The following CEP131 variants were observed in gnomAD, a reference collection of about 807,000 sequenced individuals.
CEP131 encodes centrosomal protein 131.
CEP131 carries 99 observed loss-of-function variants against 136.8 expected under a neutral mutation model. The ratio of observed to expected loss-of-function variants is 0.72; its 90% CI spans 0.62 to 0.86. The LOEUF (loss-of-function observed/expected upper bound fraction) is 0.86, where lower values mean the gene tolerates loss of function less well. Among genes scored for constraint, CEP131 ranks in the 40% least tolerant of loss-of-function variants. The probability of loss-of-function intolerance (pLI) is 0.00; values close to 1 mark genes in which losing one functional copy is unlikely to be tolerated. For synonymous variants in CEP131, 646 were observed against 612.7 expected (o/e 1.05, Z -0.80); for missense variants, 1,459 against 1,463.0 (o/e 1.00, Z 0.04).
In CEP131 at chr17:81,208,678, G is replaced by A. The variant is rs901908088; in HGVS notation, c.272+250C>T. Among the ~76,000 whole-genome samples the A allele has an allele frequency of 2.6e-5, 4 of 152,226 alleles. No homozygotes were observed. The East Asian group carries it at 5.8e-4, about 22-fold the overall frequency. On this transcript the variant is annotated intron_variant, in intron 3 of 25. Transcript: ENST00000450824. The surrounding 1 kb of genome is among the most constrained non-coding windows in gnomAD (Gnocchi z 5.6). Reference sequence around the variant, plus strand: ...CTCAGGCAGGGTCCCAGCAGCCGCCGGGACAGCAAGGAGGAAGGGAGGGAT... The same window carrying A: ...CTCAGGCAGGGTCCCAGCAGCCGCCAGGACAGCAAGGAGGAAGGGAGGGAT...
At chr17:81,216,456 G>A (rs569980990) in intron 2 of CEP131, among the ~76,000 whole-genome samples, 4 of 152,192 alleles carry the variant, frequency 2.6e-5, no homozygotes, top group East Asian at 1.9e-4. Flanking sequence ...ACTTGTGTCC[G>A]GGAGGTGGAG....
At chr17:81,218,886 C>T (rs1484110295) in intron 2 of CEP131, among the ~76,000 whole-genome samples, 1 of 152,240 alleles carries the variant, frequency 6.6e-6, no homozygotes, top group African/African-American at 2.4e-5. Flanking sequence ...CCCTCCAGAC[C>T]CCTTCTCTCT....
intron 2 of CEP131, among the ~76,000 whole-genome samples, chr17:81,217,775 C>G (rs992708371): frequency 4.6e-5 from 7 of 152,120 alleles, no homozygotes; most frequent in African/African-American, 1.7e-4. Flanking sequence ...GGCAATGGTA[C>G]CAGCCGAGGA....
Position 81,203,750 on chromosome 17 carries a change from C to A in CEP131, c.516-143G>T. 1.6e-6 allele frequency: 1 copy of A among 640,418 alleles called. No homozygotes were observed. The highest frequency in any genetic ancestry group is 2.7e-6 in the Non-Finnish European group (1 of 369,820). 39.7% of individuals were successfully genotyped at this position (640,418 alleles called of 1,614,324 possible). A position where few individuals can be genotyped will look rare whatever the true frequency, so the allele number is the denominator to read the frequency against. ...TGCTGGCAGCATTGTCGTCCAGTGT[C>A]CCCAGGCCCCTTCCACAGCCTGCGC... On this transcript the variant is annotated intron_variant, in intron 5 of 25. Coordinates refer to ENST00000450824, the MANE Select transcript of CEP131 (RefSeq NM_014984.4). The surrounding 1 kb of genome is among the most constrained non-coding windows in gnomAD (Gnocchi z 4.6).
In CEP131 at chr17:81,190,653, C is replaced by G. The variant is rs779477803; in HGVS notation, c.3093G>C (p.Glu1031Asp). ...CCGCCGCCCACCTCCGGTGCACCTC[C>G]TCCAGCTCCAGCTGCTGGCGGGCCT... Reference protein sequence around the residue: ...TLQARQQLELEEVHRRVKTAL... With the variant: ...TLQARQQLELDEVHRRVKTAL... Residue 1031 changes from glutamate to aspartate, a missense_variant, in exon 24 of 26, where the codon GAG (glutamate) becomes GAC (aspartate). Coordinates refer to ENST00000450824, the MANE Select transcript of CEP131 (RefSeq NM_014984.4). The G allele has an allele frequency of 1.4e-5, 22 of 1,594,154 alleles. No homozygotes were observed. The highest frequency in any genetic ancestry group is 6.8e-5 in the East Asian group (3 of 44,400).
intron 19 of CEP131, 42 bp downstream of exon 19, chr17:81,192,665 TGAGGGGGCGGGGGGGAGGGGTCAGCCAGC>T: frequency 5.0e-6 from 1 of 198,122 alleles, no homozygotes; most frequent in Non-Finnish European, 8.4e-6. Flanking sequence ...GGTCAGCGGG[TGAGGGGGCGGGGGGGAGGGGTCAGCCAGC>T]GAGGGGTCCC....
At chr17:81,204,502 G>C (rs1375715385) in intron 5 of CEP131, among the ~76,000 whole-genome samples, 6 of 152,140 alleles carry the variant, frequency 3.9e-5, no homozygotes, top group Admixed American at 3.3e-4. Context: ...CTCTGCACCA[G>C]TGCCCCGAAG....
At position 81,208,446 on chromosome 17, in the gene CEP131, C is replaced by T. The variant is rs2146659862; in HGVS notation, c.272+482G>A. Among the ~76,000 whole-genome samples the T allele has an allele frequency of 6.6e-6, 1 of 152,318 alleles. No individual in the cohort carries two copies. Among genetic ancestry groups the T allele is most frequent in the East Asian group, 1.9e-4 (1 of 5,176 alleles). On this transcript the variant is annotated intron_variant, in intron 3 of 25. Coordinates refer to ENST00000450824, the MANE Select transcript of CEP131 (RefSeq NM_014984.4). This position sits in a 1 kb window ranked among gnomAD's most constrained non-coding sequence, Gnocchi z 5.6. The stretch of plus-strand genomic sequence containing the variant: ...TGCTGGCCACCACCGGCTCCACTCC[C>T]CACAACACCCCCACTGGGGCCATTG...
chr17:81,196,752 C>CT lies in CEP131; in HGVS notation c.1847dup (p.Arg617GlufsTer16). 1 of 1,600,906 alleles carries CT rather than the reference C, an allele frequency of 6.2e-7. No homozygotes were observed. The highest frequency in any genetic ancestry group is 8.5e-7 in the Non-Finnish European group (1 of 1,175,758). On this transcript the variant is annotated frameshift_variant, in exon 15 of 26. Transcript: ENST00000450824. LOFTEE classifies it high-confidence loss of function. Reference sequence around the variant, plus strand: ...GGATGGTGGCCTCGTAGTGCTCCCTCTGCCGCTGCAGCTGCCGGCTCAGCG... The same window carrying CT: ...GGATGGTGGCCTCGTAGTGCTCCCTCTTGCCGCTGCAGCTGCCGGCTCAGCG...
At chr17:81,206,562 A>G (rs921441660) in intron 5 of CEP131, among the ~76,000 whole-genome samples, 182 bp downstream of exon 5, 1 of 152,172 alleles carries the variant, frequency 6.6e-6, no homozygotes, top group African/African-American at 2.4e-5. Context: ...CCTTATGTGC[A>G]AGACGCCACC....
At chr17:81,192,685 G>GGGGGGGGGGGGGCCC (rs2061669246) in intron 19 of CEP131, 51 bp downstream of exon 19, 13 of 478,360 alleles carry the variant, frequency 2.7e-5, no homozygotes, top group East Asian at 5.8e-5. Context: ...GGGGGGAGGG[G>GGGGGGGGGGGGGCCC]TCAGCCAGCG....
In CEP131 at chr17:81,197,039, G is replaced by A. The variant is rs573786538; in HGVS notation, c.1664C>T (p.Ala555Val). 11 of 1,587,576 alleles carry A rather than the reference G, an allele frequency of 6.9e-6. No homozygotes were observed. The highest frequency in any genetic ancestry group is 2.7e-5 in the African/African-American group (2 of 74,524). ...CCCCAGCTCCAGGGGCCCCGGCCCC[G>A]CCTCCGGCACCCACCCCTGCAGACA... Reference protein sequence around the residue: ...DSQQEGWVPEAGPGPLELGSE... With the variant: ...DSQQEGWVPEVGPGPLELGSE... The change falls in exon 14 of 26, where the codon GCG (alanine) becomes GTG (valine). Residue 555 changes from alanine to valine, a missense_variant. Ala to Val is a moderately conservative substitution (Grantham distance 64). Transcript: ENST00000450824.
Position 81,194,047 on chromosome 17 carries a change from G to A in CEP131, c.2200C>T (p.Leu734=). The A allele has an allele frequency of 6.3e-7, 1 of 1,584,000 alleles. No homozygotes were observed. The change falls in exon 18 of 26, where the codon CTG becomes TTG. Residue 734 remains leucine (L), a synonymous_variant. Transcript: ENST00000450824. The part of the protein sequence containing the change: ...RRLKSLHEAE[L]LQSDERASQR... ...GAGGCCCGCTCATCCGACTGCAGCA[G>A]CTCCGCCTCGTGCAGGCTCTTGAGC...
chr17:81,200,061 G>T, intron 8 of CEP131: 1 of 609,964 alleles, frequency 1.6e-6, no homozygotes, highest in Non-Finnish European at 2.9e-6. Flanking sequence ...GGGGGAGACA[G>T]CTCTGCCCCC....
At position 81,200,463 on chromosome 17, in the gene CEP131, A is replaced by T. The variant is rs1054305021; in HGVS notation, c.789-17T>A. The T allele has an allele frequency of 3.9e-6, 6 of 1,525,582 alleles. No homozygotes were observed. The highest frequency in any genetic ancestry group is 2.0e-5 in the Admixed American group (1 of 50,586). 94.5% of individuals were successfully genotyped at this position (1,525,582 alleles called of 1,614,324 possible). On this transcript the variant is annotated splice_polypyrimidine_tract_variant and intron_variant, in intron 7 of 25. Transcript: ENST00000450824. ...TGGATAAACCTGCCCGGAGAGCAGG[A>T]CTCAGGGCCAAGACAGGACCAGCGC...
intron 2 of CEP131, among the ~76,000 whole-genome samples, chr17:81,210,287 G>A (rs905971473): frequency 1.3e-5 from 2 of 152,188 alleles, no homozygotes; most frequent in Non-Finnish European, 2.9e-5. Flanking sequence ...AAGAGATGGA[G>A]ACCGCCGGGC....
rs2061743426 is a variant in CEP131 at position 81,195,876 on chromosome 17, A to G, written c.1975T>C (p.Cys659Arg). The G allele has an allele frequency of 6.2e-7, 1 of 1,608,764 alleles. No homozygotes were observed. The highest frequency in any genetic ancestry group is 8.5e-7 in the Non-Finnish European group (1 of 1,179,932). Residue 659 changes from cysteine (C) to arginine (R), a missense_variant, in exon 16 of 26, where the codon TGC (cysteine) becomes CGC (arginine). By Grantham distance (180) the Cys-to-Arg change is radical. Coordinates refer to ENST00000450824, the MANE Select transcript of CEP131 (RefSeq NM_014984.4). ...VAELKQEDQR[C>R]TERVAQAQAQ... ...TGTGCCTGGGCCACACGCTCGGTGCATCTCTGGTCCTCCTGCTTCAGCTCG... is the reference window on the plus strand; with the variant it reads ...TGTGCCTGGGCCACACGCTCGGTGCGTCTCTGGTCCTCCTGCTTCAGCTCG...
In CEP131 at chr17:81,192,770, C is replaced by T; in HGVS notation, c.2395G>A (p.Glu799Lys). The change falls in exon 19 of 26, where the codon GAG (glutamate) becomes AAG (lysine). Residue 799 changes from glutamate (E) to lysine (K), a missense_variant. This residue lies in a region of CEP131 where 1,026 missense variants were observed against 964.2 expected (regional missense o/e 1.06). Coordinates refer to ENST00000450824, the MANE Select transcript of CEP131 (RefSeq NM_014984.4). ...QRQRLYSEVAEERERLGQQAA... is the reference protein window; with the variant it reads ...QRQRLYSEVAKERERLGQQAA... ...TGCTGGCCCAGCCGCTCCCTCTCCTCAGCCACCTCACTGTACAGCCGCTGC... is the reference window on the plus strand; with the variant it reads ...TGCTGGCCCAGCCGCTCCCTCTCCTTAGCCACCTCACTGTACAGCCGCTGC... 2 of 1,594,674 alleles carry T rather than the reference C, an allele frequency of 1.3e-6. No individual in the cohort carries two copies. Among genetic ancestry groups the T allele is most frequent in the Non-Finnish European group, 1.7e-6 (2 of 1,175,886 alleles).
Position 81,190,969 on chromosome 17 carries a change from C to G in CEP131, c.2881G>C (p.Glu961Gln). 6.2e-7 allele frequency: 1 copy of G among 1,606,120 alleles called. No individual in the cohort carries two copies. Among genetic ancestry groups the G allele is most frequent in the Non-Finnish European group, 8.5e-7 (1 of 1,179,878 alleles). ...ACAAGGCCCTGCAGACGCAGATTCT[C>G]GCCCTCGGCCTCCCCAAGCTGGCCC... ...LKGQLGEAEG[E>Q]NLRLQGLVRQ... Residue 961 changes from glutamate (E) to glutamine (Q), a missense_variant, in exon 23 of 26, where the codon GAG becomes CAG. This residue lies in a region of CEP131 where 1,026 missense variants were observed against 964.2 expected (regional missense o/e 1.06). Transcript: ENST00000450824.
Sources: gnomAD v4.1 joint callset for allele counts (sites outside exome capture counted in the v4.1 genomes callset) on GRCh38, gnomAD v4.1.1 for gene constraint, gnomAD v4.1.1 regional missense constraint, Gnocchi (gnomAD v3.1) non-coding constraint, MANE v1.5 for transcripts, NCBI Gene and HGNC (gene_info 2026-07-23, HGNC 2026-07-21) for gene names.